Variants in PDE7B observed in about 807,000 individuals in gnomAD.
PDE7B encodes 3',5'-cyclic-AMP phosphodiesterase 7B.
A neutral mutation model predicts 56.2 loss-of-function variants in PDE7B; 29 were observed. The ratio of observed to expected loss-of-function variants is 0.52; its 90% CI spans 0.38 to 0.70. The LOEUF (loss-of-function observed/expected upper bound fraction) is 0.70, where lower values mean the gene tolerates loss of function less well. PDE7B is among the 30% of genes least tolerant of loss of function. The pLI is 0.00. For synonymous variants in PDE7B, 197 were observed against 196.9 expected (o/e 1.00, Z 0.00); for missense variants, 490 against 565.0 (o/e 0.87, Z 1.35).
At chr6:136,069,912 G>A (rs1583863828) in intron 2 of PDE7B, among the ~76,000 whole-genome samples, 2 of 152,092 alleles carry the variant, frequency 1.3e-5, no homozygotes, top group Admixed American at 1.3e-4. Flanking sequence ...TCTCTAATCC[G>A]AGTCATCATT....
intron 2 of PDE7B, among the ~76,000 whole-genome samples, chr6:136,059,296 A>G (rs866793681): frequency 4.6e-5 from 7 of 152,356 alleles, no homozygotes; most frequent in Middle Eastern, 6.8e-3. Flanking sequence ...AGGCAGAGAA[A>G]AGATGGAAGA....
chr6:136,071,012 C>T (rs930614858), intron 2 of PDE7B, among the ~76,000 whole-genome samples: 5 of 152,100 alleles, frequency 3.3e-5, no homozygotes, highest in Non-Finnish European at 7.4e-5. Context: ...TCCCTGTGGT[C>T]GGCCCTTTCC....
chr6:136,174,754 C>T lies in PDE7B; in HGVS notation c.803+866C>T, dbSNP rs1778949349. 2.0e-5 allele frequency among the ~76,000 whole-genome samples: 3 copies of T among 152,216 alleles called. No homozygotes were observed. In the South Asian group the frequency reaches 6.2e-4, roughly 32 times the overall value. On this transcript the variant is annotated intron_variant, in intron 9 of 12. Coordinates refer to ENST00000308191, the MANE Select transcript of PDE7B (RefSeq NM_018945.4). The stretch of plus-strand genomic sequence containing the variant: ...CCTGGCCCTCTGATTTGATCTCATG[C>T]TGTTTCCTAGCACCCAGAGGAATGT...
chr6:136,042,423 A>G (rs1776428384), intron 2 of PDE7B, among the ~76,000 whole-genome samples: 1 of 152,254 alleles, frequency 6.6e-6, no homozygotes, highest in African/African-American at 2.4e-5. Flanking sequence ...CAAACTCTGC[A>G]ACTGGGAAAC....
At chr6:136,125,519 C>G (rs969602523) in intron 3 of PDE7B, among the ~76,000 whole-genome samples, 6 of 151,958 alleles carry the variant, frequency 3.9e-5, no homozygotes, top group African/African-American at 1.5e-4. Flanking sequence ...AGCTATGATA[C>G]AATTGCTCCA....
intron 2 of PDE7B, among the ~76,000 whole-genome samples, chr6:135,948,551 G>T (rs566539383): frequency 1.3e-5 from 2 of 151,824 alleles, no homozygotes; most frequent in Non-Finnish European, 2.9e-5. Context: ...AATAATCAAA[G>T]GTGGTACACG....
intron 2 of PDE7B, among the ~76,000 whole-genome samples, chr6:136,056,831 C>T (rs187245105): frequency 4.6e-5 from 7 of 152,054 alleles, no homozygotes; most frequent in South Asian, 4.2e-4. Flanking sequence ...CGCGCTTGGC[C>T]GACTCCATCT....
At position 136,187,400 on chromosome 6, in the gene PDE7B, G is replaced by A. The variant is rs1034117224; in HGVS notation, c.1126+284G>A. On this transcript the variant is annotated intron_variant, in intron 12 of 12. Coordinates refer to ENST00000308191, the MANE Select transcript of PDE7B (RefSeq NM_018945.4). The stretch of plus-strand genomic sequence containing the variant: ...TAGAATAGAATCAAAACCAAAAAGA[G>A]TAGAAGAAAAGTAACAGGAATCAAC... Among the ~76,000 whole-genome samples, 3 of 152,132 alleles carry A rather than the reference G, an allele frequency of 2.0e-5. No individual in the cohort carries two copies. The South Asian group carries it at 6.2e-4, about 32-fold the overall frequency.
chr6:136,134,480 A>G (rs1393976322), intron 3 of PDE7B, among the ~76,000 whole-genome samples: 2 of 152,116 alleles, frequency 1.3e-5, no homozygotes, highest in East Asian at 3.9e-4. Context: ...GGAGGGTTCA[A>G]TAAAACCACA....
At chr6:135,967,651 T>C (rs1270658514) in intron 2 of PDE7B, among the ~76,000 whole-genome samples, 1 of 152,200 alleles carries the variant, frequency 6.6e-6, no homozygotes, top group Non-Finnish European at 1.5e-5. Context: ...ATGAATTCTT[T>C]AGGGTCTATG....
intron 1 of PDE7B, among the ~76,000 whole-genome samples, chr6:135,860,755 G>T (rs758592247): frequency 6.6e-6 from 1 of 151,830 alleles, no homozygotes. Flanking sequence ...GGTATTATTT[G>T]CTTTCAAGTT....
At chr6:135,890,518 C>T (rs1460438065) in intron 1 of PDE7B, among the ~76,000 whole-genome samples, 1 of 152,168 alleles carries the variant, frequency 6.6e-6, no homozygotes, top group Non-Finnish European at 1.5e-5. Context: ...AAAGGTGCAG[C>T]TTGACTGTGA....
At chr6:135,898,688 G>A (rs188555033) in intron 1 of PDE7B, among the ~76,000 whole-genome samples, 27 of 152,084 alleles carry the variant, frequency 1.8e-4, no homozygotes, top group Non-Finnish European at 3.5e-4. Flanking sequence ...TAAATAGCAT[G>A]GCCATAAATT....
chr6:135,889,901 C>T (rs1178514297), intron 1 of PDE7B, among the ~76,000 whole-genome samples: 7 of 150,356 alleles, frequency 4.7e-5, no homozygotes, highest in Non-Finnish European at 8.9e-5. Context: ...TACAGGCACC[C>T]ACCACCACGC....
intron 2 of PDE7B, among the ~76,000 whole-genome samples, chr6:135,985,953 C>T (rs1775369301): frequency 6.6e-6 from 1 of 152,166 alleles, no homozygotes; most frequent in Admixed American, 6.5e-5. Context: ...ATGCTCTCCA[C>T]TCTGCTCCCA....
intron 2 of PDE7B, among the ~76,000 whole-genome samples, chr6:136,018,247 A>T (rs1776012311): frequency 6.6e-6 from 1 of 152,184 alleles, no homozygotes; most frequent in Non-Finnish European, 1.5e-5. Context: ...CTAAATCCAA[A>T]ATCAGTCAGA....
intron 4 of PDE7B, among the ~76,000 whole-genome samples, chr6:136,148,470 A>AGGCAGGCAGGCAGGCAGGCAGTCAGGC (rs374978896): frequency 7.7e-6 from 1 of 130,138 alleles, no homozygotes; most frequent in African/African-American, 2.9e-5. Flanking sequence ...GGAAGGAAGG[A>AGGCAGGCAGGCAGGCAGGCAGTCAGGC]AGGCAGGCAG....
chr6:136,125,316 C>G (rs1467173161), intron 3 of PDE7B, among the ~76,000 whole-genome samples: 1 of 152,042 alleles, frequency 6.6e-6, no homozygotes, highest in Non-Finnish European at 1.5e-5. Flanking sequence ...CACTCACACT[C>G]GTGAATTAGC....
chr6:135,962,599 T>C (rs1012161638), intron 2 of PDE7B, among the ~76,000 whole-genome samples: 1 of 152,100 alleles, frequency 6.6e-6, no homozygotes, highest in African/African-American at 2.4e-5. Context: ...ACAAAGGGTG[T>C]TTCTTATTGT....
Sources: allele counts gnomAD v4.1 joint callset (sites outside exome capture counted in the v4.1 genomes callset), GRCh38; gene constraint gnomAD v4.1.1; transcripts MANE v1.5; gene names NCBI Gene and HGNC (gene_info 2026-07-23, HGNC 2026-07-21).